Variants in RGS6 observed in about 807,000 individuals in gnomAD.
The protein encoded by RGS6 is regulator of G-protein signaling 6.
RGS6 carries 30 observed loss-of-function variants against 78.5 expected under a neutral mutation model. The ratio of observed to expected loss-of-function variants is 0.38; its 90% CI spans 0.29 to 0.52. The LOEUF (loss-of-function observed/expected upper bound fraction) is 0.52. Among genes scored for constraint, RGS6 ranks in the 20% least tolerant of loss-of-function variants. RGS6 has a pLI of 0.85. For missense variants in RGS6, 495 were observed against 609.7 expected (o/e 0.81, Z 1.98); for synonymous variants, 206 against 206.0 (o/e 1.00, Z 0.00).
intron 17 of RGS6, chr14:72,547,120 C>G (rs922586257): frequency 1.3e-6 from 2 of 1,516,020 alleles, no homozygotes; most frequent in East Asian, 2.5e-5. Flanking sequence ...GCGGGAAGGC[C>G]GACCACTCAG....
the RGS6 span, among the ~76,000 whole-genome samples, chr14:72,585,725 A>G: frequency 0.36 from 54,846 of 152,106 alleles, 10,771 homozygotes; most frequent in Non-Finnish European, 0.43. Flanking sequence ...TCTGGGTAGC[A>G]CGTCAAAACC....
intron 2 of RGS6, among the ~76,000 whole-genome samples, chr14:72,189,747 C>G (rs1009353260): frequency 1.3e-5 from 2 of 152,076 alleles, no homozygotes; most frequent in African/African-American, 2.4e-5. Flanking sequence ...TCGTCACTCC[C>G]TTTGTATTTT....
the RGS6 span, among the ~76,000 whole-genome samples, chr14:71,911,023 T>C: frequency 1.3e-5 from 2 of 152,260 alleles, no homozygotes; most frequent in Non-Finnish European, 2.9e-5. Context: ...GCTTGATTTC[T>C]GATCTCATAG....
the RGS6 span, among the ~76,000 whole-genome samples, chr14:71,890,526 C>A: frequency 6.6e-6 from 1 of 152,182 alleles, no homozygotes; most frequent in South Asian, 2.1e-4. Flanking sequence ...TTCCAACCCA[C>A]TCTTCCAAAG....
intron 2 of RGS6, among the ~76,000 whole-genome samples, chr14:72,324,523 C>G (rs1188276375): frequency 1.3e-5 from 2 of 152,142 alleles, no homozygotes; most frequent in Admixed American, 6.5e-5. Context: ...TACCCCACAA[C>G]AGGCCCAGTG....
intron 17 of RGS6, among the ~76,000 whole-genome samples, chr14:72,556,426 A>C (rs1454614952): frequency 6.6e-6 from 1 of 152,180 alleles, no homozygotes; most frequent in East Asian, 1.9e-4. Context: ...CCCGCTCTCA[A>C]CACATGGGGA....
At chr14:71,995,599 C>T (rs978536273) in intron 2 of RGS6, among the ~76,000 whole-genome samples, 8 of 152,122 alleles carry the variant, frequency 5.3e-5, no homozygotes, top group East Asian at 1.9e-4. Context: ...TAATGGTGCT[C>T]GCCTCATAGG....
chr14:71,979,239 A>C (rs2094318739), intron 2 of RGS6, among the ~76,000 whole-genome samples: 2 of 149,126 alleles, frequency 1.3e-5, no homozygotes, highest in Non-Finnish European at 3.0e-5. Flanking sequence ...AATTTTTTGA[A>C]GGGTTTTTTG....
intron 3 of RGS6, among the ~76,000 whole-genome samples, chr14:72,387,597 G>A (rs2088623783): frequency 6.6e-6 from 1 of 151,632 alleles, no homozygotes; most frequent in Admixed American, 6.6e-5. Flanking sequence ...CAGACACAGA[G>A]TTATATATTG....
intron 7 of RGS6, 117 bp from the exon 8 acceptor site, chr14:72,469,890 G>A (rs1346988763): frequency 7.1e-6 from 5 of 707,368 alleles, no homozygotes; most frequent in Middle Eastern, 5.3e-4. Context: ...TTTAAAGCAG[G>A]TCTTGCTATT....
intron 2 of RGS6, among the ~76,000 whole-genome samples, chr14:72,199,087 A>T (rs1349675504): frequency 6.6e-6 from 1 of 152,156 alleles, no homozygotes; most frequent in African/African-American, 2.4e-5. Context: ...TCTGTGAGGG[A>T]GTATGACACT....
intron 3 of RGS6, among the ~76,000 whole-genome samples, chr14:72,389,231 C>T (rs2238192): frequency 0.55 from 82,997 of 151,992 alleles, 24,913 homozygotes; most frequent in African/African-American, 0.8. Flanking sequence ...CCGGATGTTC[C>T]ATCAACTGTG....
At chr14:71,906,683 A>T in the RGS6 span, among the ~76,000 whole-genome samples, 1 of 152,230 alleles carries the variant, frequency 6.6e-6, no homozygotes, top group Non-Finnish European at 1.5e-5. Flanking sequence ...ATTTAACTTA[A>T]TGAGGAAGGG....
chr14:71,968,249 G>T (rs2093629996), intron 2 of RGS6, among the ~76,000 whole-genome samples: 2 of 152,012 alleles, frequency 1.3e-5, no homozygotes, highest in Non-Finnish European at 2.9e-5. Context: ...AATCCTCAAA[G>T]GACCCCCTCC....
intron 14 of RGS6, among the ~76,000 whole-genome samples, chr14:72,514,407 A>G (rs1207517329): frequency 6.6e-6 from 1 of 152,206 alleles, no homozygotes; most frequent in Non-Finnish European, 1.5e-5. Context: ...ATCAAGGGCC[A>G]AATGGTTTGT....
chr14:72,586,499 C>T, the RGS6 span, among the ~76,000 whole-genome samples: 2 of 152,204 alleles, frequency 1.3e-5, no homozygotes, highest in African/African-American at 4.8e-5. Context: ...GCCCACAGAA[C>T]CACAGGCCAA....
chr14:72,408,815 A>G (rs1352203832), intron 3 of RGS6, among the ~76,000 whole-genome samples: 1 of 152,192 alleles, frequency 6.6e-6, no homozygotes, highest in East Asian at 1.9e-4. Context: ...TTTTATAGCA[A>G]TTTGGCAGGA....
At chr14:72,090,108 A>T (rs1372055405) in intron 2 of RGS6, among the ~76,000 whole-genome samples, 1 of 125,066 alleles carries the variant, frequency 8.0e-6, no homozygotes. Context: ...GCAAGACTCC[A>T]TCTCAAAAAA....
chr14:72,041,939 T>G (rs4902980), intron 2 of RGS6, among the ~76,000 whole-genome samples: 6,651 of 152,236 alleles, frequency 0.044, 181 homozygotes, highest in African/African-American at 0.078. Context: ...ATTCCATATC[T>G]GTTTCTATCA....
Sources: gnomAD v4.1 joint callset for allele counts (sites outside exome capture counted in the v4.1 genomes callset) on GRCh38, gnomAD v4.1.1 for gene constraint, MANE v1.5 for transcripts, NCBI Gene and HGNC (gene_info 2026-07-23, HGNC 2026-07-21) for gene names.